Variants in REPS2 observed in about 807,000 individuals in gnomAD.
The protein encoded by REPS2 is ralBP1-associated Eps domain-containing protein 2.
REPS2 carries 23 observed loss-of-function variants against 53.6 expected under a neutral mutation model. The observed-to-expected ratio is 0.43, with a 90% CI of 0.31 to 0.61. The LOEUF is 0.61. Ranked by LOEUF, REPS2 falls within the 20% of genes least tolerant of loss-of-function variation. The pLI is 0.11. For synonymous variants in REPS2, 238 were observed against 218.6 expected (o/e 1.09, Z -0.78); for missense variants, 446 against 534.9 (o/e 0.83, Z 1.64).
At chrX:16,986,253 A>T (rs1198452237) in intron 1 of REPS2, among the ~76,000 whole-genome samples, 2 of 111,405 alleles carry the variant, frequency 1.8e-5, no homozygotes, top group Non-Finnish European at 3.8e-5. Context: ...TTATATTGGG[A>T]CCTGGGTGGA....
At position 17,022,230 on chromosome X, in the gene REPS2, G is replaced by GA; in HGVS notation, c.512dup (p.Asn171LysfsTer9). On this transcript the variant is annotated frameshift_variant, in exon 3 of 18. Coordinates refer to ENST00000357277, the MANE Select transcript of REPS2 (RefSeq NM_004726.3). LOFTEE classifies it high-confidence loss of function. ...GGTTCAGATTCCATATTTAACTACA[G>GA]AAAAAAATTCCTTCAAAAGAATGGA... 1.7e-6 allele frequency: 2 copies of GA among 1,209,672 alleles called. No individual in the cohort carries two copies. Among genetic ancestry groups the GA allele is most frequent in the Non-Finnish European group, 2.2e-6 (2 of 893,961 alleles).
intron 14 of REPS2, among the ~76,000 whole-genome samples, chrX:17,125,316 AG>A (rs2063195209): frequency 9.0e-6 from 1 of 111,696 alleles, no homozygotes; most frequent in African/African-American, 3.3e-5. Flanking sequence ...AAAACAATTA[AG>A]AAGCCTAGTT....
downstream of REPS2, among the ~76,000 whole-genome samples, chrX:17,156,074 C>T (rs757983975): frequency 8.9e-6 from 1 of 111,921 alleles, no homozygotes; most frequent in Admixed American, 9.5e-5. Flanking sequence ...AGAGCATCTC[C>T]ATGGCAAACT....
At chrX:16,968,891 G>T (rs1342872639) in intron 1 of REPS2, among the ~76,000 whole-genome samples, 1 of 109,912 alleles carries the variant, frequency 9.1e-6, no homozygotes, top group East Asian at 3.0e-4. Flanking sequence ...TTCCCAGACG[G>T]GATGGCTGCC....
At chrX:17,146,066 G>C (rs1430096987) in intron 17 of REPS2, among the ~76,000 whole-genome samples, 1 of 104,890 alleles carries the variant, frequency 9.5e-6, no homozygotes, top group African/African-American at 3.5e-5. Flanking sequence ...CCGAGATCGC[G>C]CCATTGCACT....
At chrX:16,960,118 C>G (rs1474170118) in intron 1 of REPS2, among the ~76,000 whole-genome samples, 1 of 111,317 alleles carries the variant, frequency 9.0e-6, no homozygotes, top group African/African-American at 3.3e-5. Context: ...AATCCCAACA[C>G]TTTGGGAAGC....
chrX:17,082,715 A>G (rs1274766133), intron 13 of REPS2, among the ~76,000 whole-genome samples: 1 of 112,666 alleles, frequency 8.9e-6, no homozygotes, highest in Non-Finnish European at 1.9e-5. Flanking sequence ...TATGATGCAG[A>G]ATGTGTATGT....
intron 13 of REPS2, chrX:17,100,155 C>T: frequency 1.5e-6 from 1 of 659,744 alleles, no homozygotes; most frequent in African/African-American, 2.1e-5. Flanking sequence ...AAGTTCTCTT[C>T]TGACTCCCAT....
At chrX:17,159,651 C>T in the REPS2 span, among the ~76,000 whole-genome samples, 2 of 111,578 alleles carry the variant, frequency 1.8e-5, no homozygotes, top group Admixed American at 9.5e-5. Flanking sequence ...CCCCAGCCCC[C>T]CAATGCACAT....
At chrX:17,025,008 G>A in intron 3 of REPS2, 51 bp from the exon 4 acceptor site, 1 of 1,210,585 alleles carries the variant, frequency 8.3e-7, no homozygotes, top group Non-Finnish European at 1.1e-6. Flanking sequence ...CTGCAGCTCA[G>A]AACGCCAGGC....
At chrX:16,962,363 A>G (rs1439898939) in intron 1 of REPS2, among the ~76,000 whole-genome samples, 1 of 109,742 alleles carries the variant, frequency 9.1e-6, no homozygotes, top group Non-Finnish European at 1.9e-5. Context: ...AAAGGAGATC[A>G]TGCTATTTGT....
chrX:17,051,990 CT>C (rs1367053399), intron 6 of REPS2, among the ~76,000 whole-genome samples: 1 of 112,087 alleles, frequency 8.9e-6, no homozygotes, highest in African/African-American at 3.2e-5. Flanking sequence ...TAATTTTCTT[CT>C]TTTTGGTCAG....
At chrX:16,983,539 G>C (rs2061048856) in intron 1 of REPS2, among the ~76,000 whole-genome samples, 1 of 112,278 alleles carries the variant, frequency 8.9e-6, no homozygotes, top group Admixed American at 9.4e-5. Flanking sequence ...ATCTCACTGT[G>C]TTGCCCAGAC....
chrX:17,102,008 G>A (rs1036227399), intron 13 of REPS2, among the ~76,000 whole-genome samples: 4 of 104,529 alleles, frequency 3.8e-5, no homozygotes, highest in African/African-American at 7.1e-5. Context: ...TAAAGTTTGC[G>A]TAGATTTATT....
chrX:17,021,339 C>G (rs897281228), intron 2 of REPS2, among the ~76,000 whole-genome samples: 1 of 112,318 alleles, frequency 8.9e-6, no homozygotes, highest in East Asian at 2.8e-4. Flanking sequence ...TATACCAGAC[C>G]GTTGCTTTTC....
the REPS2 span, among the ~76,000 whole-genome samples, chrX:17,191,878 G>C: frequency 8.9e-6 from 1 of 111,851 alleles, no homozygotes; most frequent in African/African-American, 3.3e-5. Context: ...TTTAAGTGTG[G>C]GGCAAGGAGT....
At chrX:17,087,981 A>ATAGATAG (rs2062563462) in intron 13 of REPS2, among the ~76,000 whole-genome samples, 2 of 98,358 alleles carry the variant, frequency 2.0e-5, no homozygotes, top group Non-Finnish European at 4.3e-5. Flanking sequence ...TAGATAGATA[A>ATAGATAG]AGATACATAA....
At chrX:17,051,981 A>G (rs1026827619) in intron 6 of REPS2, among the ~76,000 whole-genome samples, 1 of 112,059 alleles carries the variant, frequency 8.9e-6, no homozygotes. Context: ...CAATGGTATT[A>G]ATTTTCTTCT....
the REPS2 span, among the ~76,000 whole-genome samples, chrX:17,159,691 A>G: frequency 1.8e-5 from 2 of 111,434 alleles, no homozygotes; most frequent in African/African-American, 6.5e-5. Flanking sequence ...TAAGTGCTAG[A>G]CATGTGTTTG....
Sources: allele counts gnomAD v4.1 joint callset (sites outside exome capture counted in the v4.1 genomes callset), GRCh38; gene constraint gnomAD v4.1.1; transcripts MANE v1.5; gene names NCBI Gene and HGNC (gene_info 2026-07-23, HGNC 2026-07-21).